The following DUOX1 variants were observed in gnomAD, a reference collection of about 807,000 sequenced individuals.
DUOX1 encodes NADPH thyroid oxidase 1.
Under a neutral mutation model 181.8 loss-of-function variants are expected in DUOX1, and 134 were observed. The ratio of observed to expected loss-of-function variants is 0.74; its 90% CI spans 0.64 to 0.85. DUOX1 has a LOEUF of 0.85. Among genes scored for constraint, DUOX1 ranks in the 40% least tolerant of loss-of-function variants. DUOX1 has a pLI of 0.00. For synonymous variants in DUOX1, 798 were observed against 832.5 expected, an observed-to-expected ratio of 0.96 and a Z score of 0.71; for missense variants, 1,814 against 2,064.4, an observed-to-expected ratio of 0.88 and a Z score of 2.35.
chr15:45,134,376 G>T, intron 4 of DUOX1, 67 bp downstream of exon 4: 1 of 1,500,546 alleles, frequency 6.7e-7, no homozygotes, highest in South Asian at 1.3e-5. Flanking sequence ...ATGTGAAGAG[G>T]GGTCAGAGGA....
chr15:45,142,295 C>T (rs2292464), intron 15 of DUOX1, among the ~76,000 whole-genome samples, 183 bp downstream of exon 15: 57,530 of 152,022 alleles, frequency 0.38, 11,519 homozygotes, highest in Middle Eastern at 0.57. Flanking sequence ...AAGTCAGCTC[C>T]AGGGAGAATT....
intron 22 of DUOX1, 117 bp from the exon 23 acceptor site, chr15:45,151,006 C>A: frequency 7.1e-7 from 1 of 1,410,492 alleles, no homozygotes; most frequent in Non-Finnish European, 9.8e-7. Flanking sequence ...TCCTGCTGTC[C>A]CCTTGCTGAC....
intron 5 of DUOX1, 84 bp from the exon 6 acceptor site, chr15:45,135,390 C>A: frequency 1.3e-6 from 2 of 1,502,194 alleles, no homozygotes; most frequent in Non-Finnish European, 1.8e-6. Flanking sequence ...GCCCACTCCC[C>A]AGCCGCGGAC....
At chr15:45,151,807 G>C in intron 23 of DUOX1, 67 bp from the exon 24 acceptor site, 1 of 1,529,834 alleles carries the variant, frequency 6.5e-7, no homozygotes, top group South Asian at 1.2e-5. Flanking sequence ...TCACCTCCGT[G>C]AAGTGGGGCC....
rs759033364 is a variant in DUOX1 at position 45,153,386 on chromosome 15, AC to A, written c.3432del (p.His1144GlnfsTer7). 1 of 1,613,934 alleles carries A rather than the reference AC, an allele frequency of 6.2e-7. No homozygotes were observed. The highest frequency in any genetic ancestry group is 1.1e-5 in the South Asian group (1 of 91,072). On this transcript the variant is annotated frameshift_variant, in exon 26 of 34. Coordinates refer to ENST00000389037, the MANE Select transcript of DUOX1 (RefSeq NM_175940.3). LOFTEE classifies it high-confidence loss of function. ...ASTAIVLTVL[H>X]SVGHVVNVYL... ...TTGGTCTGCTCTTCCTTAGTCTTACACAGTGTGGGCCATGTGGTGAATGTGT... is the reference window on the plus strand; with the variant it reads ...TTGGTCTGCTCTTCCTTAGTCTTACAAGTGTGGGCCATGTGGTGAATGTGT...
intron 1 of DUOX1, 159 bp from the exon 2 acceptor site, chr15:45,131,759 G>A (rs909912460): frequency 2.8e-5 from 17 of 599,354 alleles, no homozygotes; most frequent in Non-Finnish European, 4.4e-5. Context: ...AGTATTTGCC[G>A]AATCAATTAA....
rs1315162155 is a variant in DUOX1 at position 45,162,063 on chromosome 15, C to G, written c.4089+93C>G. ...CTAGACTCCCCGCTCTGTGCCTCCC[C>G]TCTCTGCATCTAGAGACTGGTTGTT... On this transcript the variant is annotated intron_variant, in intron 30 of 33. Transcript: ENST00000389037. 6.9e-6 allele frequency: 10 copies of G among 1,459,530 alleles called. No individual in the cohort carries two copies. In the Admixed American group the frequency reaches 7.9e-5, roughly 12 times the overall value. 90.4% of individuals were successfully genotyped at this position (1,459,530 alleles called of 1,614,324 possible).
At chr15:45,133,986 G>T (rs753338713) in intron 3 of DUOX1, 39 bp downstream of exon 3, 1 of 1,601,868 alleles carries the variant, frequency 6.2e-7, no homozygotes, top group Non-Finnish European at 8.5e-7. Context: ...CCCAGGGCCA[G>T]GGGGGTACTG....
chr15:45,159,409 G>A (rs562230008), intron 28 of DUOX1, among the ~76,000 whole-genome samples: 2 of 152,352 alleles, frequency 1.3e-5, no homozygotes, highest in African/African-American at 4.8e-5. Context: ...CAGAAGTGGC[G>A]AGAAGGAGGT....
intron 27 of DUOX1, among the ~76,000 whole-genome samples, 198 bp downstream of exon 27, chr15:45,154,198 C>T (rs1301592764): frequency 6.6e-6 from 1 of 152,166 alleles, no homozygotes; most frequent in Admixed American, 6.5e-5. Context: ...CGCAGGAGCT[C>T]AACTGGGTTC....
chr15:45,146,663 G>A lies in DUOX1; in HGVS notation c.2323-770G>A, dbSNP rs1216245599. 3.3e-5 allele frequency among the ~76,000 whole-genome samples: 5 copies of A among 152,224 alleles called. No individual in the cohort carries two copies. The East Asian group carries it at 9.6e-4, about 29-fold the overall frequency. On this transcript the variant is annotated intron_variant, in intron 18 of 33. Coordinates refer to ENST00000389037, the MANE Select transcript of DUOX1 (RefSeq NM_175940.3). ...CAAGCAGGTGACAGAGTTGGGACATGAACCCAGGTCTCTTGCCTCCAGCCC... is the reference window on the plus strand; with the variant it reads ...CAAGCAGGTGACAGAGTTGGGACATAAACCCAGGTCTCTTGCCTCCAGCCC...
chr15:45,143,646 C>T (rs1896566274), intron 16 of DUOX1, among the ~76,000 whole-genome samples: 1 of 152,180 alleles, frequency 6.6e-6, no homozygotes. Context: ...CAGAGTCAGA[C>T]TGGGATTGGA....
At position 45,155,600 on chromosome 15, in the gene DUOX1, A is replaced by T. The variant is rs568853865; in HGVS notation, c.3575-202A>T. ...AAAAAAAAAAAAAAATCATGGTGAC[A>T]AGGGCTATGAAAAGTGAACAATGTC... On this transcript the variant is annotated intron_variant, in intron 27 of 33. Coordinates refer to ENST00000389037, the MANE Select transcript of DUOX1 (RefSeq NM_175940.3). 92 of 637,046 alleles carry T rather than the reference A, an allele frequency of 1.4e-4. No individual in the cohort carries two copies. The African/African-American group carries it at 1.7e-3, about 11-fold the overall frequency. The allele number at this position is 637,046 out of a possible 1,614,324, so 39.5% of individuals were successfully genotyped here.
intron 27 of DUOX1, among the ~76,000 whole-genome samples, chr15:45,155,291 G>A (rs1331458381): frequency 6.6e-6 from 1 of 152,222 alleles, no homozygotes; most frequent in Non-Finnish European, 1.5e-5. Context: ...TTGGCTGGGT[G>A]TGGTGGCTCA....
chr15:45,139,724 A>G, intron 12 of DUOX1, 125 bp downstream of exon 12: 1 of 1,085,964 alleles, frequency 9.2e-7, no homozygotes, highest in Non-Finnish European at 1.3e-6. Context: ...GGCAGGGCTT[A>G]CCCAGATCAC....
In DUOX1 at chr15:45,152,409, G is replaced by A. The variant is rs1567017744; in HGVS notation, c.3317G>A (p.Arg1106His). 4 of 1,614,198 alleles carry A rather than the reference G, an allele frequency of 2.5e-6. No homozygotes were observed. The highest frequency in any genetic ancestry group is 3.4e-6 in the Non-Finnish European group (4 of 1,180,032). The change falls in exon 25 of 34, where the codon CGC becomes CAC. Residue 1106 changes from arginine to histidine, a missense_variant. By Grantham distance (29) the Arg-to-His change is conservative. This residue lies in a region of DUOX1 where 1,064 missense variants were observed against 1,152.9 expected (regional missense o/e 0.92). Transcript: ENST00000389037. ...TCCTACATCTTGCTCACCATGTGCCGCAACCTCATCACCTTCCTGCGAGAA... is the reference window on the plus strand; with the variant it reads ...TCCTACATCTTGCTCACCATGTGCCACAACCTCATCACCTTCCTGCGAGAA... Reference protein sequence around the residue: ...MFSYILLTMCRNLITFLRETF... With the variant: ...MFSYILLTMCHNLITFLRETF...
Position 45,135,274 on chromosome 15 carries a change from A to T in DUOX1, c.478A>T (p.Ser160Cys). ...RWDPETGRSP[S>C]NPRDPANQVT... ...GGACCCCGAGACCGGACGGAGTCCC[A>T]GCAATCCCCGGGACCCGGTGAGGCG... Residue 160 changes from serine (S) to cysteine (C), a missense_variant, in exon 5 of 34, where the codon AGC becomes TGC. Transcript: ENST00000389037. The T allele has an allele frequency of 6.2e-7, 1 of 1,611,434 alleles. No individual in the cohort carries two copies. The highest frequency in any genetic ancestry group is 8.5e-7 in the Non-Finnish European group (1 of 1,179,284).
At chr15:45,160,802 C>G (rs374526642) in intron 28 of DUOX1, 35 bp from the exon 29 acceptor site, 1 of 1,570,688 alleles carries the variant, frequency 6.4e-7, no homozygotes, top group East Asian at 2.2e-5. Flanking sequence ...CTATGGGCAT[C>G]GCTAGGTCTG....
chr15:45,149,349 C>T (rs930821926), intron 21 of DUOX1, among the ~76,000 whole-genome samples: 2 of 152,152 alleles, frequency 1.3e-5, no homozygotes, highest in African/African-American at 4.8e-5. Context: ...TCCCAGGCAG[C>T]CAGGGCAGCA....
Sources: allele counts gnomAD v4.1 joint callset (sites outside exome capture counted in the v4.1 genomes callset), GRCh38; gene constraint gnomAD v4.1.1; regional missense constraint gnomAD v4.1.1; transcripts MANE v1.5; gene names NCBI Gene and HGNC (gene_info 2026-07-23, HGNC 2026-07-21).